TCF4: variants seen among roughly 807,000 people sequenced by gnomAD.
TCF4 encodes the protein transcription factor 4, also known as SL3-3 enhancer factor 2.
TCF4 carries 3 observed loss-of-function variants against 82.1 expected under a neutral mutation model. That is an observed-to-expected ratio of 0.04 (90% confidence interval 0.02 to 0.09). The LOEUF is 0.09. Among genes scored for constraint, TCF4 ranks in the 10% least tolerant of loss-of-function variants. The probability of loss-of-function intolerance (pLI) is 1.00; values close to 1 mark genes in which losing one functional copy is unlikely to be tolerated. For missense variants in TCF4, 518 were observed against 852.7 expected (o/e 0.61, Z 4.89); for synonymous variants, 276 against 309.6 (o/e 0.89, Z 1.14).
upstream of TCF4, chr18:55,588,599 C>G (rs1466544690): frequency 6.6e-7 from 1 of 1,508,898 alleles, no homozygotes; most frequent in Non-Finnish European, 8.8e-7. Context: ...TTCTCTTACT[C>G]TCGTTCCCTC....
At chr18:55,333,815 C>T (rs1327164716) in intron 8 of TCF4, among the ~76,000 whole-genome samples, 1 of 152,140 alleles carries the variant, frequency 6.6e-6, no homozygotes, top group Non-Finnish European at 1.5e-5. Flanking sequence ...ATTGTTTTTG[C>T]TCTCTGTTGT....
At chr18:55,375,280 G>A (rs2090447775) in intron 6 of TCF4, among the ~76,000 whole-genome samples, 1 of 151,792 alleles carries the variant, frequency 6.6e-6, no homozygotes, top group African/African-American at 2.4e-5. Context: ...AATTTTGAGA[G>A]GATGATTTAA....
At chr18:55,453,799 T>A (rs138150735) in intron 5 of TCF4, among the ~76,000 whole-genome samples, 2 of 150,110 alleles carry the variant, frequency 1.3e-5, no homozygotes. Flanking sequence ...AAATTATTTA[T>A]AATAATAATA....
intron 8 of TCF4, among the ~76,000 whole-genome samples, chr18:55,301,562 C>T (rs750674474): frequency 1.1e-4 from 16 of 152,116 alleles, no homozygotes; most frequent in Non-Finnish European, 2.1e-4. Context: ...TCTAAACACA[C>T]GCAACGGCTC....
intron 6 of TCF4, among the ~76,000 whole-genome samples, chr18:55,399,874 TCTCTCTCACACACA>T (rs2093706373): frequency 1.5e-5 from 2 of 130,038 alleles, no homozygotes; most frequent in African/African-American, 3.2e-5. Context: ...TCTCTCTCTC[TCTCTCTCACACACA>T]CACACACACA....
At chr18:55,595,418 G>A (rs2097689869) in intron 2 of TCF4, among the ~76,000 whole-genome samples, 1 of 152,188 alleles carries the variant, frequency 6.6e-6, no homozygotes, top group East Asian at 1.9e-4. Flanking sequence ...CTTTAAAGGT[G>A]AGGAGCAGGT....
chr18:55,398,252 T>C (rs2093613469), intron 6 of TCF4, among the ~76,000 whole-genome samples: 1 of 152,208 alleles, frequency 6.6e-6, no homozygotes, highest in Non-Finnish European at 1.5e-5. Context: ...AATAAGCCGC[T>C]GCCCGAAAAA....
rs533852563 is a variant in TCF4, at chr18:55,356,898, T to C, written c.370-5895A>G. 4.6e-5 allele frequency among the ~76,000 whole-genome samples: 7 copies of C among 152,318 alleles called. 1 individual carries two copies. Among genetic ancestry groups the C allele is most frequent in the East Asian group, 1.9e-4 (1 of 5,186 alleles). On this transcript the variant is annotated intron_variant, in intron 6 of 19. Transcript: ENST00000354452. ...ACAAAATTATTTATTTTAGTAGTGA[T>C]TGTATTTCACCAAACACTCAAAAAT...
chr18:55,456,797 G>T (rs1438779512), intron 5 of TCF4, among the ~76,000 whole-genome samples: 2 of 151,892 alleles, frequency 1.3e-5, no homozygotes, highest in Non-Finnish European at 2.9e-5. Flanking sequence ...AAAAACAGAG[G>T]AATTAGACTC....
intron 15 of TCF4, among the ~76,000 whole-genome samples, chr18:55,236,983 A>G (rs1417930372): frequency 6.6e-6 from 1 of 152,224 alleles, no homozygotes; most frequent in Non-Finnish European, 1.5e-5. Flanking sequence ...CTTAAGAGTA[A>G]TGTTTTGCTT....
At chr18:55,505,721 G>A (rs900656806) in intron 3 of TCF4, among the ~76,000 whole-genome samples, 5 of 149,312 alleles carry the variant, frequency 3.3e-5, no homozygotes, top group East Asian at 2.0e-4. Context: ...GGAGAATGGC[G>A]TGAACCCGGG....
chr18:55,395,178 CAGA>C (rs1230322664), intron 6 of TCF4, among the ~76,000 whole-genome samples: 3 of 152,164 alleles, frequency 2.0e-5, no homozygotes, highest in African/African-American at 7.2e-5. Context: ...GCCTTTCTTA[CAGA>C]AGGAGGCTAT....
At chr18:55,386,976 C>A (rs1234646991) in intron 6 of TCF4, among the ~76,000 whole-genome samples, 1 of 152,176 alleles carries the variant, frequency 6.6e-6, no homozygotes, top group African/African-American at 2.4e-5. Flanking sequence ...TACACACAGG[C>A]ACCATTTTTA....
intron 11 of TCF4, chr18:55,267,365 G>A (rs140410408): frequency 1.6e-3 from 239 of 152,030 alleles, no homozygotes; most frequent in African/African-American, 5.6e-3. Flanking sequence ...TGTTTGTTAG[G>A]GTAGTATCAC....
chr18:55,341,488 T>C (rs538592591), intron 8 of TCF4, among the ~76,000 whole-genome samples: 22 of 152,218 alleles, frequency 1.4e-4, no homozygotes, highest in Non-Finnish European at 2.6e-4. Context: ...ATGCAGGCAC[T>C]ATTTTATACC....
intron 5 of TCF4, among the ~76,000 whole-genome samples, chr18:55,416,241 A>G (rs570421767): frequency 6.6e-6 from 1 of 152,354 alleles, no homozygotes; most frequent in East Asian, 1.9e-4. Flanking sequence ...CAATAGCACA[A>G]ATTGAAAAAA....
intron 8 of TCF4, among the ~76,000 whole-genome samples, chr18:55,306,091 T>C (rs1004495394): frequency 1.3e-5 from 2 of 152,180 alleles, no homozygotes; most frequent in Non-Finnish European, 2.9e-5. Flanking sequence ...GTTTTCACCT[T>C]CCATGTAACA....
chr18:55,359,065 A>G (rs904598940), intron 6 of TCF4, among the ~76,000 whole-genome samples: 50 of 152,370 alleles, frequency 3.3e-4, no homozygotes, highest in African/African-American at 1.0e-3. Flanking sequence ...TGTATGGTAT[A>G]TAAGTCATGC....
chr18:55,253,448 C>T lies in TCF4; in HGVS notation c.1350+1049G>A, dbSNP rs2055866553. Among the ~76,000 whole-genome samples the T allele has an allele frequency of 2.0e-5, 3 of 152,062 alleles. No individual in the cohort carries two copies. The South Asian group carries it at 6.2e-4, about 32-fold the overall frequency. ...TGTGAGGATCAGAACTACAGAGAAT[C>T]ACTGGTCAAGTTACATTCTCCACCA... On this transcript the variant is annotated intron_variant, in intron 15 of 19. Transcript: ENST00000354452.
Sources: allele counts gnomAD v4.1 joint callset (sites outside exome capture counted in the v4.1 genomes callset), GRCh38; gene constraint gnomAD v4.1.1; transcripts MANE v1.5; gene names NCBI Gene and HGNC (gene_info 2026-07-23, HGNC 2026-07-21).